Variants in COL19A1 observed in about 807,000 individuals in gnomAD.
The protein encoded by COL19A1 is collagen alpha-1(XIX) chain.
Under a neutral mutation model 190.2 loss-of-function variants are expected in COL19A1, and 159 were observed. The observed-to-expected ratio is 0.84, with a 90% CI of 0.73 to 0.95. The LOEUF (loss-of-function observed/expected upper bound fraction) is 0.95. Among genes scored for constraint, COL19A1 ranks in the 40% least tolerant of loss-of-function variants. COL19A1 has a pLI of 0.00. For missense variants in COL19A1, 1,418 were observed against 1,431.9 expected (o/e 0.99, Z 0.16); for synonymous variants, 509 against 458.9 (o/e 1.11, Z -1.39).
rs140147962 is a variant in COL19A1 at position 70,168,970 on chromosome 6, C to T, written c.2568+289C>T. Among the ~76,000 whole-genome samples, 17 of 152,158 alleles carry T rather than the reference C, an allele frequency of 1.1e-4. No individual in the cohort carries two copies. The East Asian group carries it at 2.1e-3, about 19-fold the overall frequency. ...TAAACTCTGATAAATGGGGCACTTT[C>T]TTCTAATAGCCCTCTTCTGATAATT... On this transcript the variant is annotated intron_variant, in intron 40 of 50. Coordinates refer to ENST00000620364, the MANE Select transcript of COL19A1 (RefSeq NM_001858.6).
At position 69,938,075 on chromosome 6, in the gene COL19A1, G is replaced by A. The variant is rs1238970695; in HGVS notation, c.911G>A (p.Gly304Glu). 9.9e-6 allele frequency: 16 copies of A among 1,612,608 alleles called. No homozygotes were observed. Among genetic ancestry groups the A allele is most frequent in the Non-Finnish European group, 1.3e-5 (15 of 1,179,096 alleles). ...TTACCAGGAGCTCCGGGTTCACCTG[G>A]GCAGAAAGGGCATAAAGGAGAGCCG... ...AGLPGAPGSP[G>E]QKGHKGEPGE... The change falls in exon 9 of 51, where the codon GGG (glycine) becomes GAG (glutamate). Residue 304 changes from glycine (G) to glutamate (E), a missense_variant. Gly to Glu is a moderately conservative substitution (Grantham distance 98). Transcript: ENST00000620364.
At chr6:69,982,835 G>C (rs1314084828) in intron 11 of COL19A1, among the ~76,000 whole-genome samples, 1 of 151,428 alleles carries the variant, frequency 6.6e-6, no homozygotes, top group Non-Finnish European at 1.5e-5. Context: ...AGCCGGGCTT[G>C]GTGGTGGGCG....
intron 15 of COL19A1, 79 bp downstream of exon 15, chr6:70,068,555 G>A (rs1195513342): frequency 2.3e-6 from 2 of 886,454 alleles, no homozygotes. Context: ...AAATGAAACC[G>A]AAATAGAGCA....
chr6:70,204,733 A>G (rs1175387510), intron 49 of COL19A1, among the ~76,000 whole-genome samples: 1 of 152,202 alleles, frequency 6.6e-6, no homozygotes, highest in African/African-American at 2.4e-5. Context: ...TCAAAAGTTC[A>G]TGTATCTTCA....
intron 14 of COL19A1, among the ~76,000 whole-genome samples, chr6:70,063,649 G>A (rs1780984909): frequency 6.6e-6 from 1 of 151,108 alleles, no homozygotes; most frequent in Non-Finnish European, 1.5e-5. Context: ...AACTGAAGGA[G>A]ATAGAGACAC....
rs567056447 is a variant in COL19A1, at chr6:70,191,031, CT to C, written c.3094+654del. 1.9e-3 allele frequency among the ~76,000 whole-genome samples: 296 copies of C among 152,292 alleles called. 2 individuals are homozygous for C. The highest frequency in any genetic ancestry group is 6.9e-3 in the African/African-American group (285 of 41,572). On this transcript the variant is annotated intron_variant, in intron 48 of 50. Coordinates refer to ENST00000620364, the MANE Select transcript of COL19A1 (RefSeq NM_001858.6). ...ATAAAGTATGCACATTCCTTCGCCT[CT>C]TTTCTCTGGCTGTTATCCCACTACA...
At chr6:69,993,779 A>G (rs1776752078) in intron 11 of COL19A1, among the ~76,000 whole-genome samples, 1 of 151,774 alleles carries the variant, frequency 6.6e-6, no homozygotes, top group African/African-American at 2.4e-5. Flanking sequence ...GGATTTTTGT[A>G]TTTCTGTGGA....
intron 16 of COL19A1, among the ~76,000 whole-genome samples, chr6:70,103,471 C>T (rs1283462901): frequency 6.6e-6 from 1 of 152,144 alleles, no homozygotes; most frequent in African/African-American, 2.4e-5. Flanking sequence ...TCCTCAATCG[C>T]TTCTTTTTTC....
intron 11 of COL19A1, among the ~76,000 whole-genome samples, chr6:70,010,820 C>G (rs1210975733): frequency 8.0e-6 from 1 of 124,770 alleles, no homozygotes; most frequent in Non-Finnish European, 1.6e-5. Context: ...CTTAGGTAAA[C>G]AAAGCAGCCA....
rs78529368 is a variant in COL19A1, at chr6:70,057,002, C to T, written c.1171-11421C>T. On this transcript the variant is annotated intron_variant, in intron 14 of 50. Coordinates refer to ENST00000620364, the MANE Select transcript of COL19A1 (RefSeq NM_001858.6). ...TCCCATGGTCTAGTCATTTATGTTG[C>T]ATAACCCAAATGCAAAAGTTACCCA... Among the ~76,000 whole-genome samples the T allele has an allele frequency of 2.7e-4, 41 of 152,196 alleles. No individual in the cohort carries two copies. The East Asian group carries it at 7.7e-3, about 29-fold the overall frequency.
In COL19A1 at chr6:70,187,034, C is replaced by T. The variant is rs138497739; in HGVS notation, c.2857-1041C>T. ...CTGGGATTACAGGCATGTGCCACCA[C>T]GCCTGGCTAATTTTTTTGTATTTTT... On this transcript the variant is annotated intron_variant, in intron 46 of 50. Transcript: ENST00000620364. 4.3e-3 allele frequency among the ~76,000 whole-genome samples: 658 copies of T among 152,216 alleles called. 6 individuals carry two copies. Among genetic ancestry groups the T allele is most frequent in the African/African-American group, 0.013 (538 of 41,524 alleles).
chr6:70,084,231 A>G (rs764835264), intron 15 of COL19A1, among the ~76,000 whole-genome samples: 12 of 152,180 alleles, frequency 7.9e-5, no homozygotes, highest in Admixed American at 3.9e-4. Context: ...CGGTTGGTGA[A>G]GATAACTAAC....
intron 44 of COL19A1, among the ~76,000 whole-genome samples, chr6:70,183,037 A>G (rs1025388749): frequency 1.3e-5 from 2 of 152,066 alleles, no homozygotes; most frequent in African/African-American, 4.8e-5. Context: ...AGGTTGTCCA[A>G]GTGTGAGGAG....
At chr6:70,205,296 T>C (rs1481995570) in intron 49 of COL19A1, among the ~76,000 whole-genome samples, 1 of 152,258 alleles carries the variant, frequency 6.6e-6, no homozygotes, top group Admixed American at 6.5e-5. Flanking sequence ...AATGTGTACA[T>C]TGTATGACCT....
At chr6:69,921,481 T>TCTATATTCATATATATTC (rs1582406601) in intron 4 of COL19A1, among the ~76,000 whole-genome samples, 1 of 86,434 alleles carries the variant, frequency 1.2e-5, no homozygotes, top group African/African-American at 6.0e-5. Context: ...CATATATTCA[T>TCTATATTCATATATATTC]ATATATTCAT....
chr6:70,070,539 G>C (rs1237820772), intron 15 of COL19A1, among the ~76,000 whole-genome samples: 1 of 152,038 alleles, frequency 6.6e-6, no homozygotes, highest in East Asian at 1.9e-4. Flanking sequence ...AGGTATTATT[G>C]ACATTATCCA....
rs1477201161 is a variant in COL19A1 at position 70,210,251 on chromosome 6, A to G, written c.*2977A>G. 1.3e-5 allele frequency among the ~76,000 whole-genome samples: 2 copies of G among 152,180 alleles called. No individual in the cohort carries two copies. Among genetic ancestry groups the G allele is most frequent in the African/African-American group, 2.4e-5 (1 of 41,456 alleles). ...CAAGTTCAAAACACTTTCAGATAGA[A>G]GTCTTTCTATGCAAAGATTAAAGTA... On this transcript the variant is annotated 3_prime_UTR_variant, in exon 51 of 51. Transcript: ENST00000620364.
Position 70,208,563 on chromosome 6 carries a change from TGGCA to T in COL19A1, c.*1294_*1297del, listed in dbSNP as rs1045518851. Reference sequence around the variant, plus strand: ...GTACATTCATTGAGGAACTGTTGATTGGCAGGCACTGATTCTCTAGAACACTGGG... The same window carrying T: ...GTACATTCATTGAGGAACTGTTGATTGGCACTGATTCTCTAGAACACTGGG... On this transcript the variant is annotated 3_prime_UTR_variant, in exon 51 of 51. Coordinates refer to ENST00000620364, the MANE Select transcript of COL19A1 (RefSeq NM_001858.6). 5.2e-5 allele frequency: 8 copies of T among 152,556 alleles called. No homozygotes were observed. The highest frequency in any genetic ancestry group is 1.9e-4 in the African/African-American group (8 of 41,586). 9.5% of individuals were successfully genotyped at this position (152,556 alleles called of 1,614,324 possible).
rs1356590663 is a variant in COL19A1 at position 70,141,880 on chromosome 6, A to G, written c.1483-13A>G. The G allele has an allele frequency of 6.5e-7, 1 of 1,546,870 alleles. No individual in the cohort carries two copies. Among genetic ancestry groups the G allele is most frequent in the Non-Finnish European group, 8.9e-7 (1 of 1,119,632 alleles). On this transcript the variant is annotated splice_polypyrimidine_tract_variant and intron_variant, in intron 20 of 50. Transcript: ENST00000620364. The stretch of plus-strand genomic sequence containing the variant: ...TTTAAGCATTACCCTTATAGTAATT[A>G]TTTTATTTACAGGGAGAACCTGGGG...
Sources: gnomAD v4.1 joint callset for allele counts (sites outside exome capture counted in the v4.1 genomes callset) on GRCh38, gnomAD v4.1.1 for gene constraint, MANE v1.5 for transcripts, NCBI Gene and HGNC (gene_info 2026-07-23, HGNC 2026-07-21) for gene names.